Variants in RIC3 observed in about 807,000 individuals in gnomAD.
The protein encoded by RIC3 is protein RIC-3.
RIC3 carries 28 observed loss-of-function variants against 27.3 expected under a neutral mutation model. The observed-to-expected ratio is 1.02, with a 90% confidence interval of 0.76 to 1.41. RIC3 has a LOEUF of 1.41. Among genes scored for constraint, RIC3 ranks in the 40% most tolerant of loss-of-function variants. The pLI is 0.00. For missense variants in RIC3, 501 were observed against 444.7 expected, an observed-to-expected ratio of 1.13 and a Z score of -1.14; for synonymous variants, 184 against 160.4, an observed-to-expected ratio of 1.15 and a Z score of -1.11.
intron 5 of RIC3, among the ~76,000 whole-genome samples, chr11:8,114,673 T>C (rs998666984): frequency 2.0e-5 from 3 of 149,138 alleles, no homozygotes; most frequent in African/African-American, 4.9e-5. Flanking sequence ...GAATTCAAGA[T>C]AACTGTTTTA....
At chr11:8,115,320 A>C (rs77784879) in intron 5 of RIC3, among the ~76,000 whole-genome samples, 2,366 of 152,112 alleles carry the variant, frequency 0.016, 68 homozygotes, top group African/African-American at 0.053. Context: ...AAAACAAAAA[A>C]AAAAAAGGTC....
At chr11:8,100,913 G>C in the RIC3 span, 1 of 1,614,140 alleles carries the variant, frequency 6.2e-7, no homozygotes, top group South Asian at 1.1e-5. Flanking sequence ...CTGGAATGAT[G>C]ACACACAGTC....
chr11:8,150,912 G>A (rs549287232), intron 1 of RIC3, among the ~76,000 whole-genome samples: 1 of 152,198 alleles, frequency 6.6e-6, no homozygotes, highest in South Asian at 2.1e-4. Context: ...GTCTTAATAA[G>A]TGGTGTGGGG....
At chr11:8,122,413 T>C (rs926045934) in intron 5 of RIC3, among the ~76,000 whole-genome samples, 2 of 151,748 alleles carry the variant, frequency 1.3e-5, no homozygotes, top group Non-Finnish European at 2.9e-5. Context: ...TTGTTGTATA[T>C]ATAGTTCATT....
chr11:8,100,998 G>A, the RIC3 span: 63 of 1,613,906 alleles, frequency 3.9e-5, no homozygotes, highest in Non-Finnish European at 4.8e-5. Context: ...GGCAATGACC[G>A]TGAGTGTTTC....
In RIC3 at chr11:8,108,356, A is replaced by C. The variant is rs541562501; in HGVS notation, c.*2342T>G. On this transcript the variant is annotated 3_prime_UTR_variant, in exon 6 of 6. Coordinates refer to ENST00000309737, the MANE Select transcript of RIC3 (RefSeq NM_001206671.4). ...AGGCCCACCTCCCAAGAAACTGTGA[A>C]GTTTCTTGGCAATACTTTAGCAAAA... The C allele has an allele frequency of 6.6e-6, 1 of 152,184 alleles. No individual in the cohort carries two copies. The highest frequency in any genetic ancestry group is 2.4e-5 in the African/African-American group (1 of 41,456). 9.4% of individuals were successfully genotyped at this position (152,184 alleles called of 1,614,324 possible). A position where few individuals can be genotyped will look rare whatever the true frequency, so the allele number is the denominator to read the frequency against.
intron 4 of RIC3, among the ~76,000 whole-genome samples, chr11:8,135,122 C>T (rs534610824): frequency 1.3e-5 from 2 of 152,180 alleles, no homozygotes; most frequent in Non-Finnish European, 2.9e-5. Flanking sequence ...TTAGGTCTAA[C>T]ATTTAAGTCT....
chr11:8,138,602 T>A (rs1227726825), intron 2 of RIC3: 1 of 427,504 alleles, frequency 2.3e-6, no homozygotes, highest in South Asian at 4.8e-5. Flanking sequence ...CCCATATAAT[T>A]AGGAATAGTA....
At chr11:8,165,992 T>C (rs760625465) in intron 1 of RIC3, among the ~76,000 whole-genome samples, 2 of 152,162 alleles carry the variant, frequency 1.3e-5, no homozygotes, top group Non-Finnish European at 1.5e-5. Flanking sequence ...TCTTGTTATG[T>C]GGCCCAAGCT....
In RIC3 at chr11:8,140,094, G is replaced by A. The variant is rs1437769079; in HGVS notation, c.224C>T (p.Ala75Val). ...ARFQRSHLAE[A>V]FAKAKGSGGG... Reference sequence around the variant, plus strand: ...ACCTGATCCTTTGGCCTTTGCAAATGCCTCGGCAAGGTGAGACCTCTGGAA... The same window carrying A: ...ACCTGATCCTTTGGCCTTTGCAAATACCTCGGCAAGGTGAGACCTCTGGAA... The change falls in exon 2 of 6, where the codon GCA (alanine) becomes GTA (valine). Residue 75 changes from alanine (A) to valine (V), a missense_variant. Coordinates refer to ENST00000309737, the MANE Select transcript of RIC3 (RefSeq NM_001206671.4). The A allele has an allele frequency of 1.2e-6, 2 of 1,614,058 alleles. No homozygotes were observed. The highest frequency in any genetic ancestry group is 1.7e-6 in the Non-Finnish European group (2 of 1,180,008).
At chr11:8,136,063 T>C (rs10769873) in intron 4 of RIC3, among the ~76,000 whole-genome samples, 39,253 of 152,088 alleles carry the variant, frequency 0.26, 5,155 homozygotes, top group East Asian at 0.44. Flanking sequence ...ATAGTAACTC[T>C]GCTTTCCAGG....
intron 1 of RIC3, among the ~76,000 whole-genome samples, chr11:8,168,181 T>C (rs1313165450): frequency 1.3e-5 from 2 of 152,174 alleles, no homozygotes; most frequent in Admixed American, 1.3e-4. Context: ...TTTACACTCA[T>C]TCTGTAAAAG....
At chr11:8,117,946 G>T (rs949695258) in intron 5 of RIC3, among the ~76,000 whole-genome samples, 1 of 152,028 alleles carries the variant, frequency 6.6e-6, no homozygotes, top group Admixed American at 6.6e-5. Context: ...ATTAAGGCTG[G>T]GCACGGTCGC....
chr11:8,096,883 A>C, the RIC3 span: 7 of 1,514,138 alleles, frequency 4.6e-6, no homozygotes, highest in African/African-American at 9.6e-5. Flanking sequence ...ATGTGAAGAG[A>C]TGGACTCGTA....
At chr11:8,121,453 C>T (rs560583787) in intron 5 of RIC3, among the ~76,000 whole-genome samples, 2 of 152,224 alleles carry the variant, frequency 1.3e-5, no homozygotes, top group African/African-American at 2.4e-5. Context: ...CAGTGGCTCA[C>T]GTCTGTAATC....
At chr11:8,132,138 T>C (rs1443737094) in intron 4 of RIC3, among the ~76,000 whole-genome samples, 1 of 152,124 alleles carries the variant, frequency 6.6e-6, no homozygotes, top group Non-Finnish European at 1.5e-5. Flanking sequence ...TGCTTGACCA[T>C]ACCATGCTTC....
chr11:8,149,718 C>G (rs931183606), intron 1 of RIC3, among the ~76,000 whole-genome samples: 4 of 152,186 alleles, frequency 2.6e-5, no homozygotes, highest in African/African-American at 9.7e-5. Flanking sequence ...CCAAAGTAAC[C>G]TTGAAAACTA....
At position 8,168,996 on chromosome 11, in the gene RIC3, T is replaced by C. The variant is rs762669599; in HGVS notation, c.-7A>G. 3.3e-5 allele frequency: 52 copies of C among 1,566,922 alleles called. No individual in the cohort carries two copies. Among genetic ancestry groups the C allele is most frequent in the Non-Finnish European group, 4.1e-5 (48 of 1,161,274 alleles). On this transcript the variant is annotated 5_prime_UTR_variant, in exon 1 of 6. Coordinates refer to ENST00000309737, the MANE Select transcript of RIC3 (RefSeq NM_001206671.4). ...GCACTGTGGAGTACGCCATGACTGC[T>C]CACGGTGGTCGCAGGTGCAGACGCC...
At position 8,130,766 on chromosome 11, in the gene RIC3, T is replaced by TG. The variant is rs34147799; in HGVS notation, c.522-3960dup. Among the ~76,000 whole-genome samples, 53 of 151,766 alleles carry TG rather than the reference T, an allele frequency of 3.5e-4. No homozygotes were observed. The South Asian group carries it at 0.01, about 29-fold the overall frequency. The stretch of plus-strand genomic sequence containing the variant: ...TCAGAGTCAAAATAAGTGTGTGTTG[T>TG]GGGGGGGAGAGAGGACCCAGGCAAA... On this transcript the variant is annotated intron_variant, in intron 4 of 5. Transcript: ENST00000309737.
Sources: allele counts gnomAD v4.1 joint callset (sites outside exome capture counted in the v4.1 genomes callset), GRCh38; gene constraint gnomAD v4.1.1; transcripts MANE v1.5; gene names NCBI Gene and HGNC (gene_info 2026-07-23, HGNC 2026-07-21).